RFFL: variants seen among roughly 807,000 people sequenced by gnomAD.
RFFL encodes the protein E3 ubiquitin-protein ligase rififylin.
A neutral mutation model predicts 40.4 loss-of-function variants in RFFL; 16 were observed. The observed-to-expected ratio is 0.40, with a 90% CI of 0.27 to 0.60. The LOEUF (loss-of-function observed/expected upper bound fraction) is 0.60. Among genes scored for constraint, RFFL ranks in the 20% least tolerant of loss-of-function variants. The pLI is 0.47. For synonymous variants in RFFL, 154 were observed against 167.9 expected, an observed-to-expected ratio of 0.92 and a Z score of 0.64; for missense variants, 367 against 451.7, an observed-to-expected ratio of 0.81 and a Z score of 1.70.
intron 1 of RFFL, among the ~76,000 whole-genome samples, chr17:35,084,085 A>T (rs1241518630): frequency 6.6e-6 from 1 of 151,988 alleles, no homozygotes; most frequent in African/African-American, 2.4e-5. Flanking sequence ...CTAAAAACAC[A>T]AAAATTAGCC....
At chr17:35,028,896 G>T (rs1465469301) in intron 1 of RFFL, among the ~76,000 whole-genome samples, 1 of 151,848 alleles carries the variant, frequency 6.6e-6, no homozygotes, top group Non-Finnish European at 1.5e-5. Flanking sequence ...CCCTTGCAGG[G>T]GTCTCTGATT....
chr17:35,027,809 G>A (rs1034666530), intron 1 of RFFL, among the ~76,000 whole-genome samples: 14 of 151,960 alleles, frequency 9.2e-5, no homozygotes, highest in African/African-American at 3.1e-4. Flanking sequence ...AAGGCGGGTG[G>A]ATCACCTGAG....
chr17:35,064,200 C>T (rs2091309213), upstream of RFFL, among the ~76,000 whole-genome samples: 1 of 152,150 alleles, frequency 6.6e-6, no homozygotes, highest in South Asian at 2.1e-4. Flanking sequence ...TCTAACCAGG[C>T]TCATTGTTCT....
chr17:35,067,487 C>T (rs544354415), upstream of RFFL, among the ~76,000 whole-genome samples: 47 of 143,048 alleles, frequency 3.3e-4, no homozygotes, highest in Non-Finnish European at 4.4e-4. Context: ...GACAGAGTCT[C>T]GCTCTGTCGC....
chr17:35,044,412 G>A (rs1475001427), intron 1 of RFFL, among the ~76,000 whole-genome samples: 3 of 152,124 alleles, frequency 2.0e-5, no homozygotes, highest in Non-Finnish European at 2.9e-5. Flanking sequence ...AGCCAGGCGC[G>A]GCAGGCTCAC....
intron 1 of RFFL, among the ~76,000 whole-genome samples, chr17:35,072,314 G>A (rs1022032610): frequency 6.6e-6 from 1 of 150,722 alleles, no homozygotes; most frequent in Non-Finnish European, 1.5e-5. Context: ...ATTGTTCTAT[G>A]CATATAAAAG....
At chr17:35,060,949 G>A (rs1465064257) in intron 1 of RFFL, among the ~76,000 whole-genome samples, 1 of 152,166 alleles carries the variant, frequency 6.6e-6, no homozygotes, top group Non-Finnish European at 1.5e-5. Context: ...TAAGTGTCCT[G>A]AGGGATGAGT....
chr17:35,047,127 C>T (rs536957135), intron 1 of RFFL, among the ~76,000 whole-genome samples: 1 of 152,330 alleles, frequency 6.6e-6, no homozygotes, highest in East Asian at 1.9e-4. Context: ...TCTGGACCTT[C>T]TACTGAAGAA....
At chr17:35,037,204 A>G (rs1419104597) in intron 1 of RFFL, among the ~76,000 whole-genome samples, 1 of 152,242 alleles carries the variant, frequency 6.6e-6, no homozygotes, top group African/African-American at 2.4e-5. Context: ...CAAATCAGAA[A>G]AGGGCTGGAA....
At chr17:35,032,809 T>G (rs1247282978) in intron 1 of RFFL, among the ~76,000 whole-genome samples, 1 of 152,008 alleles carries the variant, frequency 6.6e-6, no homozygotes, top group Admixed American at 6.6e-5. Flanking sequence ...GAAAAAAGAA[T>G]GCTCAGAGCA....
chr17:35,043,877 A>ATGT (rs1182399960), intron 1 of RFFL, among the ~76,000 whole-genome samples: 2 of 152,140 alleles, frequency 1.3e-5, no homozygotes, highest in African/African-American at 4.8e-5. Context: ...TACATAGAAA[A>ATGT]ACCATTCCTG....
chr17:35,039,581 A>G (rs2091149371), intron 1 of RFFL, among the ~76,000 whole-genome samples: 1 of 152,180 alleles, frequency 6.6e-6, no homozygotes, highest in Admixed American at 6.5e-5. Flanking sequence ...ACAAAAAAAT[A>G]AAAAATAAAA....
intron 1 of RFFL, among the ~76,000 whole-genome samples, chr17:35,054,612 G>GAAAT (rs2091249643): frequency 6.6e-6 from 1 of 150,876 alleles, no homozygotes; most frequent in Non-Finnish European, 1.5e-5. Flanking sequence ...ATTTAACTGG[G>GAAAT]TTGCTAACAA....
chr17:35,030,842 G>A (rs1395083149), intron 1 of RFFL, among the ~76,000 whole-genome samples: 1 of 151,414 alleles, frequency 6.6e-6, no homozygotes, highest in South Asian at 2.1e-4. Flanking sequence ...CCTAAGTCCT[G>A]CTCTACTTAC....
At chr17:35,083,521 C>G (rs2091412839) in intron 1 of RFFL, among the ~76,000 whole-genome samples, 1 of 150,960 alleles carries the variant, frequency 6.6e-6, no homozygotes, top group African/African-American at 2.4e-5. Flanking sequence ...TGGCTCACAC[C>G]TGTAATCCCA....
chr17:35,084,182 T>C (rs1311130442), intron 1 of RFFL, among the ~76,000 whole-genome samples: 1 of 152,208 alleles, frequency 6.6e-6, no homozygotes, highest in Non-Finnish European at 1.5e-5. Flanking sequence ...GAGGTTGCGG[T>C]GAGCCGAGAT....
chr17:35,026,983 G>A (rs2091045490), intron 1 of RFFL, among the ~76,000 whole-genome samples: 1 of 152,182 alleles, frequency 6.6e-6, no homozygotes, highest in Non-Finnish European at 1.5e-5. Context: ...ATTAAGGCGT[G>A]AGCCATGGCG....
At chr17:35,031,866 CA>C (rs2091085281) in intron 1 of RFFL, among the ~76,000 whole-genome samples, 1 of 151,882 alleles carries the variant, frequency 6.6e-6, no homozygotes, top group African/African-American at 2.4e-5. Context: ...CAGGCCGAGG[CA>C]GGAGGATCAC....
chr17:35,049,906 AC>A (rs998378142), intron 1 of RFFL, among the ~76,000 whole-genome samples: 17 of 151,966 alleles, frequency 1.1e-4, no homozygotes, highest in African/African-American at 3.4e-4. Context: ...ACATGGCGAA[AC>A]CCTGTCTCTA....
Sources: allele counts gnomAD v4.1 joint callset (sites outside exome capture counted in the v4.1 genomes callset), GRCh38; gene constraint gnomAD v4.1.1; transcripts MANE v1.5; gene names NCBI Gene and HGNC (gene_info 2026-07-23, HGNC 2026-07-21).